The following UBE2E2 variants were observed in gnomAD, a reference collection of about 807,000 sequenced individuals.
UBE2E2 encodes the protein ubiquitin-conjugating enzyme E2 E2.
In UBE2E2, 6 loss-of-function variants were observed where a neutral mutation model predicts 24.7. The ratio of observed to expected loss-of-function variants is 0.24; its 90% confidence interval spans 0.13 to 0.48. The LOEUF is 0.48. Ranked by LOEUF, UBE2E2 falls within the 20% of genes least tolerant of loss-of-function variation. The pLI is 0.99. For missense variants in UBE2E2, 169 were observed against 245.0 expected (o/e 0.69, Z 2.07); for synonymous variants, 104 against 83.6 (o/e 1.24, Z -1.33).
At chr3:23,316,253 G>A (rs887932740) in intron 3 of UBE2E2, among the ~76,000 whole-genome samples, 1 of 152,036 alleles carries the variant, frequency 6.6e-6, no homozygotes, top group African/African-American at 2.4e-5. Context: ...CAAGAGCGAG[G>A]GCCCGGAGGT....
chr3:23,430,719 C>G (rs1698041339), intron 3 of UBE2E2, among the ~76,000 whole-genome samples: 2 of 152,004 alleles, frequency 1.3e-5, no homozygotes, highest in South Asian at 4.2e-4. Flanking sequence ...TGGGATATCC[C>G]TATGTTGCCC....
intron 5 of UBE2E2, among the ~76,000 whole-genome samples, chr3:23,543,647 A>C (rs1695449482): frequency 6.6e-6 from 1 of 152,196 alleles, no homozygotes; most frequent in African/African-American, 2.4e-5. Flanking sequence ...TACTGCCCAA[A>C]GCAATCTACA....
chr3:23,362,161 A>C (rs9825778), intron 3 of UBE2E2, among the ~76,000 whole-genome samples: 50,471 of 152,000 alleles, frequency 0.33, 10,290 homozygotes, highest in Admixed American at 0.51. Context: ...TGATGATCTG[A>C]GAAACCACAT....
intron 3 of UBE2E2, among the ~76,000 whole-genome samples, chr3:23,296,187 A>G (rs995225251): frequency 6.6e-6 from 1 of 152,142 alleles, no homozygotes; most frequent in Non-Finnish European, 1.5e-5. Flanking sequence ...GGAGCTTTCC[A>G]TTCTAAAACT....
rs190606200 is a variant in UBE2E2 at position 23,518,770 on chromosome 3, G to A, written c.361-13784G>A. ...GTCCCTGCCTCAGATTGTGGATTGTGTTGCCCATGTTTTCTCCATCTCCCC... is the reference window on the plus strand; with the variant it reads ...GTCCCTGCCTCAGATTGTGGATTGTATTGCCCATGTTTTCTCCATCTCCCC... On this transcript the variant is annotated intron_variant, in intron 4 of 5. Coordinates refer to ENST00000396703, the MANE Select transcript of UBE2E2 (RefSeq NM_152653.4). Among the ~76,000 whole-genome samples the A allele has an allele frequency of 2.6e-5, 4 of 152,156 alleles. No homozygotes were observed. In the East Asian group the frequency reaches 7.7e-4, roughly 29 times the overall value.
At chr3:23,332,716 T>TGCGC (rs34367049) in intron 3 of UBE2E2, among the ~76,000 whole-genome samples, 18 of 146,212 alleles carry the variant, frequency 1.2e-4, no homozygotes, top group African/African-American at 2.5e-4. Context: ...TGTGTGTGTG[T>TGCGC]GTGCAGCTAT....
chr3:23,493,837 G>A (rs556499730), intron 3 of UBE2E2, among the ~76,000 whole-genome samples: 18 of 152,020 alleles, frequency 1.2e-4, no homozygotes, highest in Admixed American at 5.2e-4. Context: ...AATTTACAAA[G>A]CAGTCAACCT....
chr3:23,435,045 T>G (rs985730467), intron 3 of UBE2E2, among the ~76,000 whole-genome samples: 5 of 152,234 alleles, frequency 3.3e-5, no homozygotes, highest in African/African-American at 1.2e-4. Flanking sequence ...ATTCTCCTTA[T>G]AGTTGTTTTC....
intron 3 of UBE2E2, among the ~76,000 whole-genome samples, chr3:23,486,741 A>G (rs984881601): frequency 3.3e-5 from 5 of 152,228 alleles, no homozygotes; most frequent in Non-Finnish European, 4.4e-5. Flanking sequence ...ACCAATGAGT[A>G]TCTGAGTCTG....
intron 3 of UBE2E2, among the ~76,000 whole-genome samples, chr3:23,258,941 AAGG>A (rs1697821408): frequency 6.6e-6 from 1 of 151,738 alleles, no homozygotes; most frequent in Non-Finnish European, 1.5e-5. Context: ...AACCCCAGGA[AAGG>A]AGAAGGTATT....
chr3:23,340,529 CAT>C (rs562745590), intron 3 of UBE2E2, among the ~76,000 whole-genome samples: 68 of 152,184 alleles, frequency 4.5e-4, no homozygotes, highest in African/African-American at 1.6e-3. Flanking sequence ...CACTAAAATA[CAT>C]GTTTTAAAAT....
intron 3 of UBE2E2, among the ~76,000 whole-genome samples, chr3:23,288,867 A>T (rs1037213049): frequency 6.6e-6 from 1 of 152,144 alleles, no homozygotes; most frequent in Admixed American, 6.6e-5. Context: ...TACAAAAACA[A>T]ATTACTGTGC....
intron 3 of UBE2E2, among the ~76,000 whole-genome samples, chr3:23,440,688 TAA>T (rs1312448528): frequency 6.6e-6 from 1 of 152,238 alleles, no homozygotes; most frequent in Non-Finnish European, 1.5e-5. Flanking sequence ...TCAGTCTAGT[TAA>T]GTTGATTTGT....
intron 3 of UBE2E2, chr3:23,323,492 T>G (rs1229727816): frequency 6.9e-6 from 3 of 437,764 alleles, no homozygotes; most frequent in Non-Finnish European, 1.4e-5. Flanking sequence ...TTCAAAACAC[T>G]TTGTAATTCA....
intron 5 of UBE2E2, among the ~76,000 whole-genome samples, chr3:23,575,315 A>G (rs1696323487): frequency 6.6e-6 from 1 of 152,206 alleles, no homozygotes; most frequent in Admixed American, 6.5e-5. Context: ...AATAACCTAT[A>G]TGATCTTTGA....
intron 3 of UBE2E2, among the ~76,000 whole-genome samples, chr3:23,297,387 G>C (rs1276062185): frequency 1.3e-5 from 2 of 151,766 alleles, no homozygotes; most frequent in Admixed American, 1.3e-4. Context: ...CCTTGCCCAT[G>C]CCTATGTCCT....
chr3:23,236,985 G>A (rs922943934), intron 3 of UBE2E2, among the ~76,000 whole-genome samples: 1 of 152,144 alleles, frequency 6.6e-6, no homozygotes, highest in East Asian at 1.9e-4. Flanking sequence ...CAGCGCACCC[G>A]TGGGACCTGT....
intron 5 of UBE2E2, among the ~76,000 whole-genome samples, chr3:23,546,720 A>G (rs1042559820): frequency 5.3e-5 from 8 of 151,804 alleles, no homozygotes; most frequent in Admixed American, 2.0e-4. Context: ...TGATCCGCCC[A>G]CCTCAGCCTC....
chr3:23,570,460 G>C (rs1696194592), intron 5 of UBE2E2, among the ~76,000 whole-genome samples: 1 of 152,156 alleles, frequency 6.6e-6, no homozygotes, highest in South Asian at 2.1e-4. Flanking sequence ...GGGGTGGTAT[G>C]TGTATATGTA....
Sources: gnomAD v4.1 joint callset for allele counts (sites outside exome capture counted in the v4.1 genomes callset) on GRCh38, gnomAD v4.1.1 for gene constraint, MANE v1.5 for transcripts, NCBI Gene and HGNC (gene_info 2026-07-23, HGNC 2026-07-21) for gene names.